The following MYO3B variants were observed in gnomAD, a reference collection of about 807,000 sequenced individuals.
MYO3B encodes the protein myosin-IIIb.
MYO3B carries 156 observed loss-of-function variants against 174.6 expected under a neutral mutation model. That is an observed-to-expected ratio of 0.89 (90% CI 0.78 to 1.02). The LOEUF (loss-of-function observed/expected upper bound fraction) is 1.02, where lower values mean the gene tolerates loss of function less well. Ranked by LOEUF, MYO3B falls within the 50% of genes least tolerant of loss-of-function variation. MYO3B has a pLI of 0.00. For synonymous variants in MYO3B, 563 were observed against 569.1 expected (o/e 0.99, Z 0.15); for missense variants, 1,632 against 1,639.4 (o/e 1.00, Z 0.08).
intron 32 of MYO3B, among the ~76,000 whole-genome samples, chr2:170,550,777 C>G (rs1011633161): frequency 6.6e-6 from 1 of 152,128 alleles, no homozygotes; most frequent in African/African-American, 2.4e-5. Context: ...GGGAAGTTGT[C>G]AAGAACAAAG....
chr2:170,602,943 G>C (rs548335832), intron 32 of MYO3B, among the ~76,000 whole-genome samples: 1 of 151,970 alleles, frequency 6.6e-6, no homozygotes, highest in Non-Finnish European at 1.5e-5. Flanking sequence ...GTGCATGTGC[G>C]TGTAGTCCCA....
rs372170326 is a variant in MYO3B, at chr2:170,407,832, C to T, written c.2638C>T (p.Leu880=). The change falls in exon 22 of 35, where the codon CTG becomes TTG. Residue 880 remains leucine, a synonymous_variant. Coordinates refer to ENST00000408978, the MANE Select transcript of MYO3B (RefSeq NM_138995.5). ...KLLQQLFSIP[L]TKTGNLAQTR... ...TCTTCAGCAGCTCTTCTCAATCCCT[C>T]TGACCAAAACAGGTACTTGGGAACC... is the stretch of plus-strand genomic sequence containing the variant. The T allele has an allele frequency of 6.2e-7, 1 of 1,613,930 alleles. No homozygotes were observed. Among genetic ancestry groups the T allele is most frequent in the African/African-American group, 1.3e-5 (1 of 74,928 alleles).
intron 32 of MYO3B, among the ~76,000 whole-genome samples, chr2:170,594,757 G>A (rs1172129502): frequency 6.6e-6 from 1 of 151,762 alleles, no homozygotes; most frequent in East Asian, 1.9e-4. Context: ...CCTCCTTGCA[G>A]CCTTTCCTAC....
intron 7 of MYO3B, among the ~76,000 whole-genome samples, chr2:170,280,760 G>A (rs897995042): frequency 7.2e-5 from 11 of 151,860 alleles, no homozygotes; most frequent in South Asian, 2.1e-4. Flanking sequence ...TGGTTTTGTC[G>A]GCTTTGTCAA....
At chr2:170,545,317 A>G (rs544811458) in intron 32 of MYO3B, among the ~76,000 whole-genome samples, 184 of 152,360 alleles carry the variant, frequency 1.2e-3, no homozygotes, top group African/African-American at 4.4e-3. Context: ...ATGTAAAGTG[A>G]GGGAAATAGT....
intron 7 of MYO3B, among the ~76,000 whole-genome samples, chr2:170,309,265 T>C (rs1460137359): frequency 6.6e-6 from 1 of 152,212 alleles, no homozygotes; most frequent in Non-Finnish European, 1.5e-5. Context: ...AAATCATAAA[T>C]TACTGTGTGT....
chr2:170,245,069 C>T (rs1237301946), intron 7 of MYO3B, among the ~76,000 whole-genome samples: 1 of 152,132 alleles, frequency 6.6e-6, no homozygotes, highest in Non-Finnish European at 1.5e-5. Flanking sequence ...GCGGGAAGTT[C>T]TGGGGGCCTG....
chr2:170,316,208 T>C (rs1376901523), intron 7 of MYO3B, among the ~76,000 whole-genome samples: 1 of 152,268 alleles, frequency 6.6e-6, no homozygotes, highest in African/African-American at 2.4e-5. Context: ...TAATGAAGTA[T>C]ATGTACATAT....
chr2:170,456,164 G>T (rs185877327), intron 23 of MYO3B, among the ~76,000 whole-genome samples: 1 of 151,940 alleles, frequency 6.6e-6, no homozygotes, highest in Admixed American at 6.6e-5. Context: ...ATATTTTGGT[G>T]GGGGGGTGGG....
At chr2:170,492,925 A>G (rs1214417072) in intron 25 of MYO3B, among the ~76,000 whole-genome samples, 2 of 152,204 alleles carry the variant, frequency 1.3e-5, no homozygotes, top group Non-Finnish European at 2.9e-5. Flanking sequence ...TGCATTTAAC[A>G]AAGTCTCTGT....
At chr2:170,418,559 A>AG (rs2094595740) in intron 22 of MYO3B, among the ~76,000 whole-genome samples, 1 of 152,226 alleles carries the variant, frequency 6.6e-6, no homozygotes, top group South Asian at 2.1e-4. Flanking sequence ...TCTTAATAAC[A>AG]GCCAATGTTT....
chr2:170,280,666 A>T (rs1265368519), intron 7 of MYO3B, among the ~76,000 whole-genome samples: 1 of 135,388 alleles, frequency 7.4e-6, no homozygotes, highest in African/African-American at 3.0e-5. Context: ...GGTGTAAGGA[A>T]GGGGTCCAGC....
At chr2:170,464,541 A>C (rs1684499277) in intron 24 of MYO3B, among the ~76,000 whole-genome samples, 1 of 152,100 alleles carries the variant, frequency 6.6e-6, no homozygotes, top group Admixed American at 6.6e-5. Context: ...AGAAGGCTCC[A>C]TGGAAAGCTA....
rs183285963 is a variant in MYO3B at position 170,264,153 on chromosome 2, G to C, written c.749+28017G>C. On this transcript the variant is annotated intron_variant, in intron 7 of 34. Coordinates refer to ENST00000408978, the MANE Select transcript of MYO3B (RefSeq NM_138995.5). ...GAGCACAGGGCTGGGGCTAGGGTTAGAGAATTTTTCTTAGTACAGAACAAA... is the reference window on the plus strand; with the variant it reads ...GAGCACAGGGCTGGGGCTAGGGTTACAGAATTTTTCTTAGTACAGAACAAA... Among the ~76,000 whole-genome samples, 1,036 of 152,344 alleles carry C rather than the reference G, an allele frequency of 6.8e-3. 5 individuals are homozygous for C. The highest frequency in any genetic ancestry group is 0.013 in the Admixed American group (206 of 15,302).
intron 25 of MYO3B, among the ~76,000 whole-genome samples, chr2:170,487,933 A>C (rs1398842908): frequency 2.6e-5 from 4 of 152,252 alleles, no homozygotes; most frequent in African/African-American, 9.6e-5. Context: ...CATGAGTAAG[A>C]GTAACCAAGG....
At chr2:170,649,851 T>A (rs1256443333) in intron 32 of MYO3B, 2 of 50,190 alleles carry the variant, frequency 4.0e-5, no homozygotes, top group African/African-American at 9.6e-5. Context: ...CCATATGCTA[T>A]AGTGTAAAAA....
intron 7 of MYO3B, among the ~76,000 whole-genome samples, chr2:170,297,061 C>G (rs1480876556): frequency 6.6e-6 from 1 of 152,092 alleles, no homozygotes; most frequent in African/African-American, 2.4e-5. Context: ...CAGATCCGAA[C>G]CATATTAATC....
At chr2:170,547,371 G>T (rs931262905) in intron 32 of MYO3B, among the ~76,000 whole-genome samples, 6 of 151,792 alleles carry the variant, frequency 4.0e-5, no homozygotes, top group Admixed American at 3.3e-4. Context: ...GGCCCATGTG[G>T]TCCGGCTTAT....
chr2:170,194,691 C>T (rs1019191471), intron 1 of MYO3B, among the ~76,000 whole-genome samples: 17 of 151,916 alleles, frequency 1.1e-4, no homozygotes, highest in African/African-American at 3.6e-4. Context: ...ATAGGATATA[C>T]GTATATATGA....
Sources: gnomAD v4.1 joint callset for allele counts (sites outside exome capture counted in the v4.1 genomes callset) on GRCh38, gnomAD v4.1.1 for gene constraint, MANE v1.5 for transcripts, NCBI Gene and HGNC (gene_info 2026-07-23, HGNC 2026-07-21) for gene names.